Variants in EIF3M observed in about 807,000 individuals in gnomAD.
EIF3M encodes eukaryotic translation initiation factor 3 subunit M.
EIF3M carries 25 observed loss-of-function variants against 49.7 expected under a neutral mutation model. That is an observed-to-expected ratio of 0.50 (90% CI 0.37 to 0.70). The LOEUF (loss-of-function observed/expected upper bound fraction) is 0.70, where lower values mean the gene tolerates loss of function less well. EIF3M is among the 30% of genes least tolerant of loss of function. EIF3M has a pLI of 0.00. For synonymous variants in EIF3M, 156 were observed against 149.8 expected, an observed-to-expected ratio of 1.04 and a Z score of -0.30; for missense variants, 350 against 440.0, an observed-to-expected ratio of 0.80 and a Z score of 1.83.
Position 32,602,536 on chromosome 11 carries a change from T to C in EIF3M, c.*137T>C. 1 of 1,088,238 alleles carries C rather than the reference T, an allele frequency of 9.2e-7. No individual in the cohort carries two copies. Among genetic ancestry groups the C allele is most frequent in the South Asian group, 1.8e-5 (1 of 55,662 alleles). 67.4% of individuals were successfully genotyped at this position (1,088,238 alleles called of 1,614,324 possible). A position where few individuals can be genotyped will look rare whatever the true frequency, so the allele number is the denominator to read the frequency against. On this transcript the variant is annotated 3_prime_UTR_variant, in exon 11 of 11. Coordinates refer to ENST00000531120, the MANE Select transcript of EIF3M (RefSeq NM_006360.6). ...CTAAAATCACAAACTCCAGAGGATA[T>C]GAAGTAATAAATTACAAGGGGTCAC...
intron 8 of EIF3M, among the ~76,000 whole-genome samples, chr11:32,599,403 A>C (rs777703062): frequency 1.3e-5 from 2 of 152,008 alleles, no homozygotes; most frequent in African/African-American, 2.4e-5. Context: ...ATCTGTGCCA[A>C]ATAGGAAGCC....
At chr11:32,585,031 G>T (rs1854973204) in intron 1 of EIF3M, among the ~76,000 whole-genome samples, 3 of 152,124 alleles carry the variant, frequency 2.0e-5, no homozygotes, top group African/African-American at 4.8e-5. Flanking sequence ...CATAAACTTC[G>T]CATGGAAGTT....
At chr11:32,584,023 C>T in intron 1 of EIF3M, 94 bp downstream of exon 1, 4 of 1,512,722 alleles carry the variant, frequency 2.6e-6, no homozygotes, top group Non-Finnish European at 3.6e-6. Flanking sequence ...GCGGCCGGGG[C>T]TGACACCCGC....
At chr11:32,600,870 T>C (rs1247027373) in intron 9 of EIF3M, 38 bp downstream of exon 9, 1 of 1,564,310 alleles carries the variant, frequency 6.4e-7, no homozygotes, top group African/African-American at 1.4e-5. Context: ...TTTCTAGAAT[T>C]TCTCATCTAC....
intron 5 of EIF3M, among the ~76,000 whole-genome samples, chr11:32,593,104 C>T (rs1031701939): frequency 6.6e-6 from 1 of 152,096 alleles, no homozygotes; most frequent in Non-Finnish European, 1.5e-5. Context: ...GCTGATTTTG[C>T]CCAGGCTAAA....
At chr11:32,587,314 A>G (rs933696817) in intron 2 of EIF3M, among the ~76,000 whole-genome samples, 170 bp downstream of exon 2, 1 of 152,156 alleles carries the variant, frequency 6.6e-6, no homozygotes, top group African/African-American at 2.4e-5. Flanking sequence ...ACTTTTAAAT[A>G]GATAGGTAGT....
chr11:32,584,319 A>G, intron 1 of EIF3M: 1 of 193,458 alleles, frequency 5.2e-6, no homozygotes. Context: ...TAAAGATCAA[A>G]ATGCCGGGCC....
chr11:32,584,762 A>C (rs2133190857), intron 1 of EIF3M, among the ~76,000 whole-genome samples: 1 of 152,246 alleles, frequency 6.6e-6, no homozygotes, highest in Non-Finnish European at 1.5e-5. Flanking sequence ...CAGCTCTTAA[A>C]TTCTGTGAGG....
chr11:32,597,391 A>G (rs1054288182), intron 8 of EIF3M, among the ~76,000 whole-genome samples: 6 of 152,188 alleles, frequency 3.9e-5, no homozygotes, highest in African/African-American at 9.6e-5. Flanking sequence ...ACAAATTACA[A>G]AAGTATATAG....
chr11:32,588,426 G>A (rs1855037862), intron 2 of EIF3M, among the ~76,000 whole-genome samples, 168 bp from the exon 3 acceptor site: 1 of 148,698 alleles, frequency 6.7e-6, no homozygotes, highest in African/African-American at 2.5e-5. Flanking sequence ...CCACATCTTA[G>A]GTATCAATTT....
chr11:32,591,313 A>G (rs934699083), intron 5 of EIF3M, among the ~76,000 whole-genome samples: 8 of 152,262 alleles, frequency 5.3e-5, no homozygotes, highest in African/African-American at 1.9e-4. Flanking sequence ...ACAGTGTGGC[A>G]CAAGATAACT....
chr11:32,592,403 A>C, intron 5 of EIF3M: 1 of 548,012 alleles, frequency 1.8e-6, no homozygotes, highest in Non-Finnish European at 3.5e-6. Context: ...ATACTTTTCA[A>C]AGTAGTCTCT....
At chr11:32,596,089 C>T in intron 8 of EIF3M, 42 bp downstream of exon 8, 1 of 1,405,642 alleles carries the variant, frequency 7.1e-7, no homozygotes, top group Non-Finnish European at 9.6e-7. Flanking sequence ...GAGGTGGGAA[C>T]ATGATACACT....
chr11:32,594,343 C>T (rs771121400), intron 6 of EIF3M: 15 of 162,560 alleles, frequency 9.2e-5, no homozygotes, highest in Non-Finnish European at 2.0e-4. Flanking sequence ...TAACTGGTAA[C>T]AAGAATAGAA....
chr11:32,583,835 TC>T lies in EIF3M; in HGVS notation c.-51del, dbSNP rs1027918344. On this transcript the variant is annotated 5_prime_UTR_variant, in exon 1 of 11. Coordinates refer to ENST00000531120, the MANE Select transcript of EIF3M (RefSeq NM_006360.6). The stretch of plus-strand genomic sequence containing the variant: ...AGCGTCGCGCGGCCCAGTTCCCTTT[TC>T]CGGTCGGCGTGGTCTTGCGAGTGGA... The T allele has an allele frequency of 3.1e-6, 5 of 1,597,728 alleles. No individual in the cohort carries two copies. In the African/African-American group the frequency reaches 5.4e-5, roughly 17 times the overall value.
At chr11:32,599,696 C>T (rs1431334133) in intron 8 of EIF3M, among the ~76,000 whole-genome samples, 2 of 151,882 alleles carry the variant, frequency 1.3e-5, no homozygotes, top group Non-Finnish European at 2.9e-5. Flanking sequence ...AGCATCAAAA[C>T]AAGTATATAT....
intron 5 of EIF3M, among the ~76,000 whole-genome samples, chr11:32,591,390 T>C (rs1855100808): frequency 6.6e-6 from 1 of 152,248 alleles, no homozygotes. Context: ...TTATACTTTT[T>C]AATTTTAATT....
rs1324638908 is a variant in EIF3M, at chr11:32,602,834, C to A, written c.*435C>A. On this transcript the variant is annotated 3_prime_UTR_variant, in exon 11 of 11. Coordinates refer to ENST00000531120, the MANE Select transcript of EIF3M (RefSeq NM_006360.6). Reference sequence around the variant, plus strand: ...CATTATTTTAATCTGTTGTTTTTTTCCAACGTCTCTTCTGCTTTTCTTTTC... The same window carrying A: ...CATTATTTTAATCTGTTGTTTTTTTACAACGTCTCTTCTGCTTTTCTTTTC... 2 of 1,597,704 alleles carry A rather than the reference C, an allele frequency of 1.3e-6. No individual in the cohort carries two copies. The highest frequency in any genetic ancestry group is 4.5e-5 in the East Asian group (2 of 44,710).
chr11:32,588,411 A>G (rs1855037272), intron 2 of EIF3M, among the ~76,000 whole-genome samples, 183 bp from the exon 3 acceptor site: 1 of 144,508 alleles, frequency 6.9e-6, no homozygotes, highest in African/African-American at 2.6e-5. Context: ...AAAAAAAAAA[A>G]GAAACCACAT....
Sources: gnomAD v4.1 joint callset for allele counts (sites outside exome capture counted in the v4.1 genomes callset) on GRCh38, gnomAD v4.1.1 for gene constraint, MANE v1.5 for transcripts, NCBI Gene and HGNC (gene_info 2026-07-23, HGNC 2026-07-21) for gene names.